CTIF: variants seen among roughly 807,000 people sequenced by gnomAD.
CTIF encodes the protein CBP80/20-dependent translation initiation factor.
CTIF carries 21 observed loss-of-function variants against 66.0 expected under a neutral mutation model. That is an observed-to-expected ratio of 0.32 (90% confidence interval 0.23 to 0.46). The LOEUF (loss-of-function observed/expected upper bound fraction) is 0.46, where lower values mean the gene tolerates loss of function less well. Ranked by LOEUF, CTIF falls within the 20% of genes least tolerant of loss-of-function variation. CTIF has a pLI of 1.00. For synonymous variants in CTIF, 345 were observed against 326.4 expected (o/e 1.06, Z -0.62); for missense variants, 739 against 812.7 (o/e 0.91, Z 1.10).
chr18:48,619,152 T>C (rs1180728972), intron 1 of CTIF, among the ~76,000 whole-genome samples: 1 of 152,212 alleles, frequency 6.6e-6, no homozygotes, highest in African/African-American at 2.4e-5. Context: ...TGTTGTTTAT[T>C]TCATCCTGCT....
chr18:48,754,281 G>A (rs1225988408), intron 7 of CTIF, among the ~76,000 whole-genome samples: 1 of 152,220 alleles, frequency 6.6e-6, no homozygotes, highest in Admixed American at 6.5e-5. Flanking sequence ...GATGGGAGGT[G>A]GCTGCAAGGT....
Position 48,786,581 on chromosome 18 carries a change from C to T in CTIF, c.1371+24892C>T, listed in dbSNP as rs1911728575. On this transcript the variant is annotated intron_variant, in intron 9 of 11. Coordinates refer to ENST00000256413, the MANE Select transcript of CTIF (RefSeq NM_014772.3). The stretch of plus-strand genomic sequence containing the variant: ...TGGAACATAGAAAACAAGAAAATCC[C>T]AGGCACTCTAAGGATTACGACTGTG... Among the ~76,000 whole-genome samples, 3 of 152,276 alleles carry T rather than the reference C, an allele frequency of 2.0e-5. No homozygotes were observed. In the South Asian group the frequency reaches 6.2e-4, roughly 32 times the overall value.
At chr18:48,802,119 T>C (rs1197435128) in intron 9 of CTIF, among the ~76,000 whole-genome samples, 1 of 152,220 alleles carries the variant, frequency 6.6e-6, no homozygotes, top group Non-Finnish European at 1.5e-5. Context: ...GACAGTCACA[T>C]GGTGACTTTC....
chr18:48,702,140 C>T (rs956329930), intron 6 of CTIF, among the ~76,000 whole-genome samples: 4 of 152,142 alleles, frequency 2.6e-5, no homozygotes, highest in African/African-American at 9.7e-5. Context: ...AGCTAGGATC[C>T]GGGTCACCCA....
intron 9 of CTIF, among the ~76,000 whole-genome samples, chr18:48,763,420 A>G (rs1909203530): frequency 6.6e-6 from 1 of 152,224 alleles, no homozygotes; most frequent in Non-Finnish European, 1.5e-5. Context: ...GTCAGCCACA[A>G]AGGGGGCCCT....
intron 1 of CTIF, 87 bp from the exon 2 acceptor site, chr18:48,619,451 C>T: frequency 1.2e-6 from 1 of 845,680 alleles, no homozygotes; most frequent in Non-Finnish European, 1.7e-6. Context: ...GAAGATGCTT[C>T]CAGGAGCAGA....
chr18:48,816,525 G>A (rs1568241251), intron 9 of CTIF, among the ~76,000 whole-genome samples: 1 of 152,072 alleles, frequency 6.6e-6, no homozygotes, highest in African/African-American at 2.4e-5. Flanking sequence ...CTTCCCTAGC[G>A]ACCATCCCAT....
At position 48,717,077 on chromosome 18, in the gene CTIF, T is replaced by C. The variant is rs1409435758; in HGVS notation, c.584+5382T>C. On this transcript the variant is annotated intron_variant, in intron 7 of 11. Coordinates refer to ENST00000256413, the MANE Select transcript of CTIF (RefSeq NM_014772.3). ...GTCCTGCGATTGACCGTGACTGTGA[T>C]TTGGTGTCTTCTAAATGTAGAACCA... Among the ~76,000 whole-genome samples, 10 of 152,322 alleles carry C rather than the reference T, an allele frequency of 6.6e-5. No homozygotes were observed. The East Asian group carries it at 1.7e-3, about 27-fold the overall frequency.
chr18:48,729,535 G>A (rs903964127), intron 7 of CTIF, among the ~76,000 whole-genome samples: 4 of 152,324 alleles, frequency 2.6e-5, no homozygotes, highest in African/African-American at 7.2e-5. Context: ...ATGAGAGCTG[G>A]CGTCCCCATG....
chr18:48,845,238 T>C (rs1207428148), intron 10 of CTIF, among the ~76,000 whole-genome samples: 1 of 152,228 alleles, frequency 6.6e-6, no homozygotes, highest in African/African-American at 2.4e-5. Context: ...TCTTTCTGTC[T>C]GCACTTCTGG....
intron 9 of CTIF, among the ~76,000 whole-genome samples, chr18:48,774,983 C>G (rs1468886594): frequency 6.6e-6 from 1 of 151,838 alleles, no homozygotes; most frequent in Non-Finnish European, 1.5e-5. Flanking sequence ...AAAAATGTGG[C>G]AAGGGGAGTA....
In CTIF at chr18:48,711,649, A is replaced by G. The variant is rs745734299; in HGVS notation, c.538A>G (p.Ile180Val). ...CCACCCGATGCCCCATGAAGTGGAG[A>G]TCGCACACACCAAGAAGCTGTTCCG... is the stretch of plus-strand genomic sequence containing the variant. ...GYHPMPHEVE[I>V]AHTKKLFRRR... Residue 180 changes from isoleucine to valine, a missense_variant, in exon 7 of 12, where the codon ATC becomes GTC. By Grantham distance (29) the Ile-to-Val change is conservative. Coordinates refer to ENST00000256413, the MANE Select transcript of CTIF (RefSeq NM_014772.3). 3 of 1,614,076 alleles carry G rather than the reference A, an allele frequency of 1.9e-6. No homozygotes were observed. The highest frequency in any genetic ancestry group is 1.7e-5 in the Admixed American group (1 of 60,026).
chr18:48,565,704 G>A (rs1568035869), intron 1 of CTIF: 1 of 147,384 alleles, frequency 6.8e-6, no homozygotes, highest in Non-Finnish European at 1.5e-5. Context: ...GCCTGGGACA[G>A]TGCCTGGCAC....
At chr18:48,577,228 G>GTATTTAGGT (rs919741740) in intron 1 of CTIF, among the ~76,000 whole-genome samples, 1 of 152,212 alleles carries the variant, frequency 6.6e-6, no homozygotes, top group African/African-American at 2.4e-5. Context: ...GGTAGCAACG[G>GTATTTAGGT]TATTTAGGTT....
At chr18:48,829,325 G>A (rs1317656327) in intron 10 of CTIF, among the ~76,000 whole-genome samples, 1 of 152,142 alleles carries the variant, frequency 6.6e-6, no homozygotes, top group Non-Finnish European at 1.5e-5. Context: ...AACACTAGGG[G>A]AGCCAGGCTG....
At position 48,811,918 on chromosome 18, in the gene CTIF, G is replaced by A. The variant is rs534477541; in HGVS notation, c.1372-5303G>A. ...TGGATATATACCCAGAAGTGGAATT[G>A]CTGGATCATATAGTAATTCTGTTTT... is the stretch of plus-strand genomic sequence containing the variant. On this transcript the variant is annotated intron_variant, in intron 9 of 11. Coordinates refer to ENST00000256413, the MANE Select transcript of CTIF (RefSeq NM_014772.3). Among the ~76,000 whole-genome samples, 4 of 152,212 alleles carry A rather than the reference G, an allele frequency of 2.6e-5. No individual in the cohort carries two copies. The South Asian group carries it at 6.2e-4, about 24-fold the overall frequency.
chr18:48,724,785 A>G (rs1366926417), intron 7 of CTIF, among the ~76,000 whole-genome samples: 1 of 152,226 alleles, frequency 6.6e-6, no homozygotes, highest in East Asian at 1.9e-4. Context: ...TCTGGAGGGC[A>G]AGCCCCGGGA....
At chr18:48,802,379 CAG>C (rs2068065790) in intron 9 of CTIF, among the ~76,000 whole-genome samples, 1 of 152,234 alleles carries the variant, frequency 6.6e-6, no homozygotes, top group African/African-American at 2.4e-5. Flanking sequence ...CCGAATTCTG[CAG>C]AGACAACAAC....
At chr18:48,789,944 C>T (rs546690930) in intron 9 of CTIF, among the ~76,000 whole-genome samples, 1 of 152,320 alleles carries the variant, frequency 6.6e-6, no homozygotes, top group Admixed American at 6.5e-5. Context: ...CCACCTGCTA[C>T]CTCATGACCT....
Sources: allele counts gnomAD v4.1 joint callset (sites outside exome capture counted in the v4.1 genomes callset), GRCh38; gene constraint gnomAD v4.1.1; transcripts MANE v1.5; gene names NCBI Gene and HGNC (gene_info 2026-07-23, HGNC 2026-07-21).